DNAH17: variants seen among roughly 807,000 people sequenced by gnomAD.
DNAH17 encodes the protein dynein axonemal heavy chain 17, also known as axonemal beta dynein heavy chain 17.
Under a neutral mutation model 485.6 loss-of-function variants are expected in DNAH17, and 376 were observed. The observed-to-expected ratio is 0.77, with a 90% CI of 0.71 to 0.84. The LOEUF is 0.84. Ranked by LOEUF, DNAH17 falls within the 40% of genes least tolerant of loss-of-function variation. DNAH17 has a pLI of 0.00. For missense variants in DNAH17, 6,370 were observed against 5,839.3 expected (o/e 1.09, Z -2.96); for synonymous variants, 3,031 against 2,405.9 (o/e 1.26, Z -7.60).
At chr17:78,458,303 G>A (rs2087909049) in intron 62 of DNAH17, among the ~76,000 whole-genome samples, 1 of 152,232 alleles carries the variant, frequency 6.6e-6, no homozygotes, top group Non-Finnish European at 1.5e-5. Flanking sequence ...ACCGAGTAAT[G>A]CCCCGGATCA....
At chr17:78,575,210 A>T in intron 1 of DNAH17, 128 bp from the exon 2 acceptor site, 1 of 717,852 alleles carries the variant, frequency 1.4e-6, no homozygotes, top group African/African-American at 1.8e-5. Context: ...GAGAGTGTGC[A>T]GTTTTTAGCT....
intron 24 of DNAH17, 149 bp from the exon 25 acceptor site, chr17:78,525,310 G>A: frequency 8.0e-7 from 1 of 1,244,872 alleles, no homozygotes; most frequent in South Asian, 1.5e-5. Flanking sequence ...CCACCTGGAG[G>A]GAGGACAGAG....
rs762113863 is a variant in DNAH17 at position 78,455,804 on chromosome 17, C to T, written c.10010G>A (p.Arg3337His). ...GAAGTTCTCCACAGACTCAGCCCAG[C>T]GGATGTTTTCCGATGCTAATCCCCC... ...LVGGLASENI[R>H]WAESVENFRS... Residue 3337 changes from arginine (R) to histidine (H), a missense_variant, in exon 63 of 81, where the codon CGC (arginine) becomes CAC (histidine). By Grantham distance (29) the Arg-to-His change is conservative. Coordinates refer to ENST00000389840, the MANE Select transcript of DNAH17 (RefSeq NM_173628.4). 2.1e-5 allele frequency: 34 copies of T among 1,607,532 alleles called. No homozygotes were observed. The highest frequency in any genetic ancestry group is 1.0e-4 in the Admixed American group (6 of 58,422).
At position 78,428,592 on chromosome 17, in the gene DNAH17, G is replaced by T; in HGVS notation, c.12521C>A (p.Thr4174Asn). Reference sequence around the variant, plus strand: ...CTCTTTTGGCTGCATTTCCAGGACAGTGCGGAACAGCTTCTCTGAGGTGAC... The same window carrying T: ...CTCTTTTGGCTGCATTTCCAGGACATTGCGGAACAGCTTCTCTGAGGTGAC... ...LTVTSEKLFR[T>N]VLEMQPKETD... Residue 4174 changes from threonine (T) to asparagine (N), a missense_variant, in exon 77 of 81, where the codon ACT (threonine) becomes AAT (asparagine). Thr to Asn is a moderately conservative substitution (Grantham distance 65). Coordinates refer to ENST00000389840, the MANE Select transcript of DNAH17 (RefSeq NM_173628.4). 1 of 1,613,964 alleles carries T rather than the reference G, an allele frequency of 6.2e-7. No homozygotes were observed. The highest frequency in any genetic ancestry group is 1.7e-5 in the Admixed American group (1 of 60,002).
intron 68 of DNAH17, chr17:78,449,859 A>G: frequency 4.5e-6 from 2 of 443,432 alleles, no homozygotes; most frequent in Non-Finnish European, 8.3e-6. Context: ...TATTTTTAGT[A>G]CAGACAGGGT....
chr17:78,445,597 T>C lies in DNAH17; in HGVS notation c.11295A>G (p.Pro3765=). Residue 3765 remains proline (P), a synonymous_variant, in exon 70 of 81, where the codon CCA becomes CCG. Coordinates refer to ENST00000389840, the MANE Select transcript of DNAH17 (RefSeq NM_173628.4). The part of the protein sequence containing the change: ...RFPFKAGVVS[P]VDFLQHQGWG... ...AGCCTTGATGCTGGAGGAAGTCCAC[T>C]GGTGAGACCACTCCGGCCTTAAAAG... 1.3e-6 allele frequency: 2 copies of C among 1,564,358 alleles called. No homozygotes were observed. The highest frequency in any genetic ancestry group is 1.7e-6 in the Non-Finnish European group (2 of 1,154,038).
chr17:78,504,742 G>A (rs2090429974), intron 31 of DNAH17, among the ~76,000 whole-genome samples: 1 of 152,158 alleles, frequency 6.6e-6, no homozygotes. Context: ...TGCTGGGGAA[G>A]GAAGAGGCTG....
intron 31 of DNAH17, among the ~76,000 whole-genome samples, chr17:78,504,030 G>A (rs2090399393): frequency 6.7e-6 from 1 of 150,138 alleles, no homozygotes; most frequent in Non-Finnish European, 1.5e-5. Flanking sequence ...AAAAGTAACT[G>A]CCACTGGGAG....
rs367838103 is a variant in DNAH17, at chr17:78,461,662, T to C, written c.9221A>G (p.Lys3074Arg). The change falls in exon 58 of 81, where the codon AAG becomes AGG. Residue 3074 changes from lysine to arginine, a missense_variant. Lys to Arg is a conservative substitution (Grantham distance 26). Transcript: ENST00000389840. ...AKLAIQEAEL[K>R]QKNESADQLI... ...TTGGTCTGCGCTCTCATTCTTCTGC[T>C]TGAGCTCAGCCTCCTGAATCGCCAA... The C allele has an allele frequency of 1.9e-6, 3 of 1,612,042 alleles. No individual in the cohort carries two copies. Among genetic ancestry groups the C allele is most frequent in the Non-Finnish European group, 2.5e-6 (3 of 1,179,358 alleles).
rs146002931 is a variant in DNAH17 at position 78,507,341 on chromosome 17, G to A, written c.4613C>T (p.Pro1538Leu). Residue 1538 changes from proline to leucine, a missense_variant, in exon 29 of 81, where the codon CCC becomes CTC. Physicochemically the swap from Pro to Leu is moderately conservative, Grantham distance 98. Transcript: ENST00000389840. ...KALMEDAVKT[P>L]NVVEATSKPG... ...TTTGCTGGTGGCTTCCACCACGTTG[G>A]GTGTTTTCACTGCATCTTCCATCAA... 5.0e-6 allele frequency: 8 copies of A among 1,613,980 alleles called. No individual in the cohort carries two copies. In the East Asian group the frequency reaches 1.6e-4, roughly 31 times the overall value.
At chr17:78,543,733 G>A (rs1443705655) in intron 17 of DNAH17, 124 bp downstream of exon 17, 7 of 1,455,890 alleles carry the variant, frequency 4.8e-6, no homozygotes, top group Middle Eastern at 3.5e-4. Flanking sequence ...CCAGGTCACA[G>A]ACTTCTATGA....
intron 25 of DNAH17, among the ~76,000 whole-genome samples, chr17:78,518,225 C>G (rs2090840580): frequency 6.6e-6 from 1 of 152,090 alleles, no homozygotes; most frequent in African/African-American, 2.4e-5. Context: ...AAACATGACC[C>G]AATCATATGC....
chr17:78,521,816 A>G (rs1001262960), intron 25 of DNAH17, among the ~76,000 whole-genome samples: 1 of 152,102 alleles, frequency 6.6e-6, no homozygotes, highest in Admixed American at 6.6e-5. Flanking sequence ...ATGAAACCCC[A>G]TCTCTCCTAA....
Position 78,537,357 on chromosome 17 carries a change from T to C in DNAH17, c.2801A>G (p.Asp934Gly), listed in dbSNP as rs1467613836. The C allele has an allele frequency of 6.2e-7, 1 of 1,608,662 alleles. No homozygotes were observed. The highest frequency in any genetic ancestry group is 2.2e-5 in the East Asian group (1 of 44,696). Reference sequence around the variant, plus strand: ...GATGAGCCTGGCTACGTTGTAGATGTCGTTGACCAGGCCCTCGATCAGTGC... The same window carrying C: ...GATGAGCCTGGCTACGTTGTAGATGCCGTTGACCAGGCCCTCGATCAGTGC... ...FLALIEGLVN[D>G]IYNVARLIPR... The change falls in exon 19 of 81, where the codon GAC (aspartate) becomes GGC (glycine). Residue 934 changes from aspartate (D) to glycine (G), a missense_variant. Physicochemically the swap from Asp to Gly is moderately conservative, Grantham distance 94. Coordinates refer to ENST00000389840, the MANE Select transcript of DNAH17 (RefSeq NM_173628.4).
In DNAH17 at chr17:78,429,120, C is replaced by T; in HGVS notation, c.12405+1G>A. ...GCTCCTGTTTAACTTGTCATCCTTACCTTGTAGTCCAGGTTGGGGGGGATC... is the reference window on the plus strand; with the variant it reads ...GCTCCTGTTTAACTTGTCATCCTTATCTTGTAGTCCAGGTTGGGGGGGATC... On this transcript the variant is annotated splice_donor_variant, in intron 76 of 80. Transcript: ENST00000389840. LOFTEE classifies it high-confidence loss of function. 2.5e-6 allele frequency: 4 copies of T among 1,612,976 alleles called. No homozygotes were observed. Among genetic ancestry groups the T allele is most frequent in the Non-Finnish European group, 2.5e-6 (3 of 1,179,400 alleles).
chr17:78,494,573 T>C lies in DNAH17; in HGVS notation c.6270+20A>G, dbSNP rs542749201. The C allele has an allele frequency of 4.3e-6, 7 of 1,612,102 alleles. No homozygotes were observed. In the East Asian group the frequency reaches 8.9e-5, roughly 21 times the overall value. On this transcript the variant is annotated intron_variant, in intron 40 of 80. Coordinates refer to ENST00000389840, the MANE Select transcript of DNAH17 (RefSeq NM_173628.4). ...CCAGGCAGGCTTCTCCGGACAGACC[T>C]GAGACCCAGGAGTCCCGACCTTTTC...
Position 78,470,719 on chromosome 17 carries a change from G to C in DNAH17, c.8512-1836C>G, listed in dbSNP as rs79029544. On this transcript the variant is annotated intron_variant, in intron 54 of 80. Coordinates refer to ENST00000389840, the MANE Select transcript of DNAH17 (RefSeq NM_173628.4). ...AAAGAAATAAGTAACAGTGAAAATG[G>C]TCAATTTTATACTATGTATATTTTA... is the stretch of plus-strand genomic sequence containing the variant. Among the ~76,000 whole-genome samples the C allele has an allele frequency of 3.2e-3, 494 of 152,196 alleles. 4 individuals carry two copies. The highest frequency in any genetic ancestry group is 0.011 in the African/African-American group (471 of 41,550).
rs571227986 is a variant in DNAH17 at position 78,455,637 on chromosome 17, T to G, written c.10170+7A>C. The G allele has an allele frequency of 6.5e-7, 1 of 1,538,976 alleles. No individual in the cohort carries two copies. Among genetic ancestry groups the G allele is most frequent in the Non-Finnish European group, 8.8e-7 (1 of 1,140,216 alleles). On this transcript the variant is annotated splice_region_variant and intron_variant, in intron 63 of 80. Transcript: ENST00000389840. ...CCACCGCGCCTGGCCAGGACTCCAC[T>G]CCTTACCTTTAAGTTATGTATGTAA...
In DNAH17 at chr17:78,511,265, G is replaced by A. The variant is rs367697591; in HGVS notation, c.4114-759C>T. On this transcript the variant is annotated intron_variant, in intron 26 of 80. Transcript: ENST00000389840. ...TGGGACTACAGGCACGTACCACCAC[G>A]TGCAGCTAATTTTTGTATTTTTAGT... Among the ~76,000 whole-genome samples, 123 of 152,248 alleles carry A rather than the reference G, an allele frequency of 8.1e-4. 1 individual carries two copies. Among genetic ancestry groups the A allele is most frequent in the African/African-American group, 2.8e-3 (117 of 41,534 alleles).
Sources: gnomAD v4.1 joint callset for allele counts (sites outside exome capture counted in the v4.1 genomes callset) on GRCh38, gnomAD v4.1.1 for gene constraint, MANE v1.5 for transcripts, NCBI Gene and HGNC (gene_info 2026-07-23, HGNC 2026-07-21) for gene names.